The following SOX6 variants were observed in gnomAD, a reference collection of about 807,000 sequenced individuals.
The protein encoded by SOX6 is SRY-box transcription factor 6.
A neutral mutation model predicts 97.8 loss-of-function variants in SOX6; 11 were observed. The observed-to-expected ratio is 0.11, with a 90% CI of 0.07 to 0.19. SOX6 has a LOEUF of 0.19. Among genes scored for constraint, SOX6 ranks in the 10% least tolerant of loss-of-function variants. The pLI is 1.00. For missense variants in SOX6, 810 were observed against 1,039.5 expected (o/e 0.78, Z 3.04); for synonymous variants, 360 against 371.4 (o/e 0.97, Z 0.35).
chr11:16,364,522 A>G (rs1857297972), intron 1 of SOX6, among the ~76,000 whole-genome samples: 1 of 152,070 alleles, frequency 6.6e-6, no homozygotes, highest in African/African-American at 2.4e-5. Flanking sequence ...TGTCACTTAT[A>G]AGTTATTTGA....
intron 2 of SOX6, among the ~76,000 whole-genome samples, chr11:16,723,330 G>A (rs1401917339): frequency 6.6e-6 from 1 of 152,108 alleles, no homozygotes; most frequent in Non-Finnish European, 1.5e-5. Flanking sequence ...TTCTTGCGGA[G>A]GGGGAAGGTG....
At chr11:16,585,685 T>C (rs1363531172) in intron 4 of SOX6, among the ~76,000 whole-genome samples, 1 of 143,874 alleles carries the variant, frequency 7.0e-6, no homozygotes, top group African/African-American at 2.6e-5. Context: ...TTTTTACTTT[T>C]TTTTTTTTTT....
intron 4 of SOX6, among the ~76,000 whole-genome samples, chr11:16,497,402 C>A (rs1461107722): frequency 2.0e-5 from 3 of 152,098 alleles, no homozygotes; most frequent in African/African-American, 7.2e-5. Context: ...CTCTAAAAAT[C>A]AGAATGCCTC....
At chr11:16,132,327 GA>G (rs1849778635) in intron 6 of SOX6, among the ~76,000 whole-genome samples, 1 of 66,878 alleles carries the variant, frequency 1.5e-5, no homozygotes, top group Non-Finnish European at 3.1e-5. Flanking sequence ...AGGAAGGAAG[GA>G]AGGAAAGAAA....
intron 6 of SOX6, among the ~76,000 whole-genome samples, chr11:16,126,618 T>A (rs1849620387): frequency 1.3e-5 from 2 of 152,134 alleles, no homozygotes; most frequent in Non-Finnish European, 2.9e-5. Flanking sequence ...CATAATTTGT[T>A]TATGTTGTAC....
chr11:16,449,789 T>C (rs189106065), intron 1 of SOX6, among the ~76,000 whole-genome samples: 1 of 152,240 alleles, frequency 6.6e-6, no homozygotes, highest in Admixed American at 6.5e-5. Context: ...CAATAGGTTT[T>C]TTGATTTCCA....
intron 1 of SOX6, among the ~76,000 whole-genome samples, chr11:16,410,572 T>G (rs1287570140): frequency 2.0e-5 from 3 of 151,792 alleles, no homozygotes; most frequent in Non-Finnish European, 4.4e-5. Flanking sequence ...GCCTGTGTAA[T>G]GAAGTGAAAC....
At chr11:16,327,842 G>A (rs1385454638) in intron 2 of SOX6, among the ~76,000 whole-genome samples, 2 of 152,112 alleles carry the variant, frequency 1.3e-5, no homozygotes, top group Non-Finnish European at 2.9e-5. Flanking sequence ...CACTGCAGTT[G>A]GGAGAAATGA....
chr11:15,991,519 C>T (rs1186564486), intron 13 of SOX6, among the ~76,000 whole-genome samples: 2 of 152,312 alleles, frequency 1.3e-5, no homozygotes, highest in East Asian at 3.9e-4. Context: ...AATTTATATA[C>T]TGACATGCAT....
upstream of SOX6, among the ~76,000 whole-genome samples, chr11:16,356,568 G>C (rs1387384431): frequency 2.0e-5 from 3 of 152,110 alleles, no homozygotes; most frequent in Non-Finnish European, 4.4e-5. Flanking sequence ...GAGCACAGGG[G>C]AAGGAAAACA....
At chr11:16,569,487 G>A (rs1014159023) in intron 4 of SOX6, among the ~76,000 whole-genome samples, 4 of 152,084 alleles carry the variant, frequency 2.6e-5, no homozygotes, top group African/African-American at 9.7e-5. Context: ...GTATGTGTGT[G>A]AGAAATTATT....
intron 9 of SOX6, among the ~76,000 whole-genome samples, chr11:16,067,248 G>T (rs1848113570): frequency 6.6e-6 from 1 of 152,086 alleles, no homozygotes; most frequent in African/African-American, 2.4e-5. Flanking sequence ...AGGAGACTGG[G>T]GCAAAATAAT....
At chr11:16,203,416 T>C (rs1035239943) in intron 4 of SOX6, among the ~76,000 whole-genome samples, 25 of 152,284 alleles carry the variant, frequency 1.6e-4, no homozygotes, top group African/African-American at 5.8e-4. Flanking sequence ...AAGATTCATA[T>C]TGCAAGTAAG....
rs528297551 is a variant in SOX6, at chr11:16,365,560, G to A, written c.-4-24308C>T. ...TATTAGAAATCAGGCCAGAGTTTAG[G>A]AGCCAGTTCTATCAATGGGTATTTT... On this transcript the variant is annotated intron_variant, in intron 1 of 15. Transcript: ENST00000396356. Among the ~76,000 whole-genome samples the A allele has an allele frequency of 2.6e-5, 4 of 152,096 alleles. No homozygotes were observed. In the South Asian group the frequency reaches 8.3e-4, roughly 32 times the overall value.
At chr11:16,453,760 A>T (rs1258840498) in intron 1 of SOX6, among the ~76,000 whole-genome samples, 1 of 152,150 alleles carries the variant, frequency 6.6e-6, no homozygotes, top group African/African-American at 2.4e-5. Context: ...AAGTACACTG[A>T]CAAAGAATAA....
At chr11:16,120,458 C>T (rs909305597) in intron 6 of SOX6, among the ~76,000 whole-genome samples, 6 of 151,514 alleles carry the variant, frequency 4.0e-5, no homozygotes, top group Non-Finnish European at 8.8e-5. Context: ...AAAAGTAGAA[C>T]GAACTCAAGA....
At chr11:16,000,971 C>T (rs1854390629) in intron 13 of SOX6, among the ~76,000 whole-genome samples, 4 of 152,116 alleles carry the variant, frequency 2.6e-5, no homozygotes. Context: ...ATTCTCCTGC[C>T]TCAGCCTCCC....
intron 4 of SOX6, among the ~76,000 whole-genome samples, chr11:16,541,982 AT>A: frequency 6.6e-6 from 1 of 152,368 alleles, no homozygotes; most frequent in Non-Finnish European, 1.5e-5. Flanking sequence ...CCAAAGGATT[AT>A]AAATCATGCT....
intron 9 of SOX6, among the ~76,000 whole-genome samples, chr11:16,080,108 C>T (rs1373377835): frequency 6.7e-6 from 1 of 149,678 alleles, no homozygotes; most frequent in Non-Finnish European, 1.5e-5. Flanking sequence ...AAAACATTCT[C>T]ATCACACCAA....
Sources: allele counts gnomAD v4.1 joint callset (sites outside exome capture counted in the v4.1 genomes callset), GRCh38; gene constraint gnomAD v4.1.1; transcripts MANE v1.5; gene names NCBI Gene and HGNC (gene_info 2026-07-23, HGNC 2026-07-21).